The following RAP1A variants were observed in gnomAD, a reference collection of about 807,000 sequenced individuals.
The protein encoded by RAP1A is RAP1A, member of RAS oncogene family.
Under a neutral mutation model 26.4 loss-of-function variants are expected in RAP1A, and 6 were observed. The ratio of observed to expected loss-of-function variants is 0.23; its 90% CI spans 0.12 to 0.45. The LOEUF (loss-of-function observed/expected upper bound fraction) is 0.45, where lower values mean the gene tolerates loss of function less well. Among genes scored for constraint, RAP1A ranks in the 20% least tolerant of loss-of-function variants. The pLI, the probability that RAP1A is intolerant of heterozygous loss-of-function variation, is 0.99. For missense variants in RAP1A, 121 were observed against 217.2 expected (o/e 0.56, Z 2.78); for synonymous variants, 73 against 79.4 (o/e 0.92, Z 0.43).
intron 4 of RAP1A, among the ~76,000 whole-genome samples, chr1:111,699,449 C>T (rs2101273938): frequency 7.0e-6 from 1 of 142,166 alleles, no homozygotes; most frequent in South Asian, 2.3e-4. Flanking sequence ...TTTTCTTTAT[C>T]CATCTCACTT....
chr1:111,613,180 G>A (rs934981620), intron 1 of RAP1A, among the ~76,000 whole-genome samples: 2 of 148,812 alleles, frequency 1.3e-5, no homozygotes, highest in African/African-American at 5.0e-5. Flanking sequence ...TTTTAAATCT[G>A]TTGCAAGCTC....
At chr1:111,683,704 A>C (rs955488220) in intron 1 of RAP1A, among the ~76,000 whole-genome samples, 4 of 152,194 alleles carry the variant, frequency 2.6e-5, no homozygotes, top group Non-Finnish European at 5.9e-5. Flanking sequence ...AGGACCAGAC[A>C]GATTCACAGC....
chr1:111,709,064 C>A, intron 6 of RAP1A, 85 bp from the exon 7 acceptor site: 1 of 1,451,502 alleles, frequency 6.9e-7, no homozygotes, highest in Non-Finnish European at 9.1e-7. Flanking sequence ...GATCTAAGAC[C>A]AGAATAGTAC....
chr1:111,564,657 C>T (rs372901810), intron 1 of RAP1A, among the ~76,000 whole-genome samples: 6 of 151,876 alleles, frequency 4.0e-5, no homozygotes, highest in African/African-American at 7.3e-5. Flanking sequence ...GGACCACAGG[C>T]GCCCACCACC....
chr1:111,651,784 T>C (rs1198567979), intron 1 of RAP1A, among the ~76,000 whole-genome samples: 1 of 152,102 alleles, frequency 6.6e-6, no homozygotes, highest in East Asian at 1.9e-4. Flanking sequence ...GCTAATGTTT[T>C]TGTGTTTTTA....
intron 1 of RAP1A, among the ~76,000 whole-genome samples, chr1:111,542,853 T>C (rs1450589138): frequency 6.6e-6 from 1 of 152,048 alleles, no homozygotes; most frequent in Non-Finnish European, 1.5e-5. Flanking sequence ...TGAACCACCA[T>C]GGCTGGCTAG....
At chr1:111,642,260 A>T (rs895245344) in intron 1 of RAP1A, among the ~76,000 whole-genome samples, 16 of 152,154 alleles carry the variant, frequency 1.1e-4, no homozygotes, top group Non-Finnish European at 2.4e-4. Flanking sequence ...AATTAAATTA[A>T]ATTAAATTAA....
intron 1 of RAP1A, among the ~76,000 whole-genome samples, chr1:111,650,211 G>C (rs1660221664): frequency 6.7e-6 from 1 of 150,340 alleles, no homozygotes; most frequent in African/African-American, 2.5e-5. Context: ...TAAGAAGTTT[G>C]GGCTTCAAAG....
At chr1:111,705,248 A>G (rs1662151739) in intron 6 of RAP1A, among the ~76,000 whole-genome samples, 2 of 152,170 alleles carry the variant, frequency 1.3e-5, no homozygotes, top group South Asian at 4.1e-4. Flanking sequence ...AAAACAACAG[A>G]GTGGGCTTCT....
At chr1:111,618,039 C>CT (rs1029744358), upstream of RAP1A, among the ~76,000 whole-genome samples, 11 of 113,888 alleles carry the variant, frequency 9.7e-5, no homozygotes, top group Admixed American at 1.6e-4. Context: ...AAGACTCCGC[C>CT]TCAAAAAAAA....
intron 1 of RAP1A, among the ~76,000 whole-genome samples, chr1:111,687,808 G>GT (rs1380440678): frequency 3.3e-5 from 5 of 152,020 alleles, no homozygotes; most frequent in African/African-American, 1.2e-4. Flanking sequence ...GAGCCCAGGA[G>GT]TTTGAGACCA....
intron 1 of RAP1A, among the ~76,000 whole-genome samples, chr1:111,609,916 G>A (rs145456248): frequency 1.3e-5 from 2 of 152,286 alleles, no homozygotes; most frequent in Non-Finnish European, 2.9e-5. Flanking sequence ...AAAGTGCTGG[G>A]ATCACAGGCA....
intron 1 of RAP1A, among the ~76,000 whole-genome samples, chr1:111,659,186 G>A (rs1361536363): frequency 3.3e-5 from 5 of 151,966 alleles, no homozygotes; most frequent in South Asian, 4.2e-4. Context: ...CTGAAACCGC[G>A]GATATAGTAC....
chr1:111,611,931 C>A (rs888243674), intron 1 of RAP1A, among the ~76,000 whole-genome samples: 4 of 152,030 alleles, frequency 2.6e-5, no homozygotes, highest in Admixed American at 2.6e-4. Flanking sequence ...AATCTAGCAA[C>A]CCTAACCACA....
chr1:111,669,040 A>AAAAAAAAAAAAAAAAAAG (rs1557885164), intron 1 of RAP1A, among the ~76,000 whole-genome samples: 1 of 140,468 alleles, frequency 7.1e-6, no homozygotes. Flanking sequence ...AAAAAAAAAA[A>AAAAAAAAAAAAAAAAAAG]AAAAAAAAGA....
chr1:111,628,675 G>A (rs555915762), intron 1 of RAP1A, among the ~76,000 whole-genome samples: 1 of 152,240 alleles, frequency 6.6e-6, no homozygotes, highest in East Asian at 1.9e-4. Flanking sequence ...AAGATCTGAG[G>A]GTTTAAAGGA....
chr1:111,688,802 G>GT (rs1314370063), intron 1 of RAP1A, among the ~76,000 whole-genome samples: 19 of 125,824 alleles, frequency 1.5e-4, no homozygotes, highest in South Asian at 2.6e-4. Flanking sequence ...ATGGGTTTTT[G>GT]TTTTTGTTTT....
Position 111,674,220 on chromosome 1 carries a change from A to T in RAP1A, c.-27-17114A>T, listed in dbSNP as rs191382628. On this transcript the variant is annotated intron_variant, in intron 1 of 7. Transcript: ENST00000369709. The stretch of plus-strand genomic sequence containing the variant: ...CAGACTGGAAAGGGGGTAGGGATGT[A>T]GGCATCCTTTTACGTGAAATATATG... 1.6e-3 allele frequency among the ~76,000 whole-genome samples: 249 copies of T among 152,244 alleles called. 2 individuals are homozygous for T. The highest frequency in any genetic ancestry group is 3.3e-3 in the Non-Finnish European group (225 of 68,026).
intron 1 of RAP1A, among the ~76,000 whole-genome samples, chr1:111,558,260 C>T (rs1019958798): frequency 6.6e-6 from 1 of 152,194 alleles, no homozygotes; most frequent in Non-Finnish European, 1.5e-5. Flanking sequence ...TCACTGCAAC[C>T]TCCATGTCCC....
Sources: gnomAD v4.1 joint callset for allele counts (sites outside exome capture counted in the v4.1 genomes callset) on GRCh38, gnomAD v4.1.1 for gene constraint, MANE v1.5 for transcripts, NCBI Gene and HGNC (gene_info 2026-07-23, HGNC 2026-07-21) for gene names.